The following STXBP6 variants were observed in gnomAD, a reference collection of about 807,000 sequenced individuals.
STXBP6 encodes syntaxin-binding protein 6.
Under a neutral mutation model 26.9 loss-of-function variants are expected in STXBP6, and 21 were observed. The ratio of observed to expected loss-of-function variants is 0.78; its 90% CI spans 0.55 to 1.12. STXBP6 has a LOEUF of 1.12. STXBP6 is among the 50% of genes most tolerant of loss of function. The pLI is 0.00. For missense variants in STXBP6, 232 were observed against 257.9 expected, an observed-to-expected ratio of 0.90 and a Z score of 0.69; for synonymous variants, 97 against 92.6, an observed-to-expected ratio of 1.05 and a Z score of -0.27.
At position 24,828,878 on chromosome 14, in the gene STXBP6, G is replaced by T. The variant is rs1450477518; in HGVS notation, c.452-9684C>A. On this transcript the variant is annotated intron_variant, in intron 4 of 5. Transcript: ENST00000323944. The stretch of plus-strand genomic sequence containing the variant: ...TGACATAGAGAATTATGTAATGCTG[G>T]CCAAGCAATGTAAAGGATGCACCAT... 5.3e-5 allele frequency among the ~76,000 whole-genome samples: 8 copies of T among 152,148 alleles called. No homozygotes were observed. In the East Asian group the frequency reaches 1.5e-3, roughly 29 times the overall value.
At chr14:24,892,238 G>GA (rs1178442758) in intron 2 of STXBP6, among the ~76,000 whole-genome samples, 1 of 151,040 alleles carries the variant, frequency 6.6e-6, no homozygotes, top group Non-Finnish European at 1.5e-5. Flanking sequence ...TCAGTAGAGA[G>GA]AAAAAAAGTG....
chr14:24,907,708 T>A (rs2139690062), intron 2 of STXBP6, among the ~76,000 whole-genome samples: 1 of 152,282 alleles, frequency 6.6e-6, no homozygotes, highest in African/African-American at 2.4e-5. Context: ...GAATTCTACT[T>A]GTATTTGAAG....
intron 2 of STXBP6, among the ~76,000 whole-genome samples, chr14:24,905,530 A>G (rs17185369): frequency 0.13 from 20,136 of 152,080 alleles, 1,384 homozygotes; most frequent in East Asian, 0.16. Flanking sequence ...AAACCTTGGG[A>G]ATCTATAGGA....
At chr14:24,844,584 TG>T (rs1235433819) in intron 4 of STXBP6, among the ~76,000 whole-genome samples, 1 of 152,168 alleles carries the variant, frequency 6.6e-6, no homozygotes, top group Non-Finnish European at 1.5e-5. Flanking sequence ...GAGAGTTACT[TG>T]GTGTGGAAAA....
chr14:24,819,314 C>G (rs1271701144), intron 4 of STXBP6, 120 bp from the exon 5 acceptor site: 1 of 1,138,886 alleles, frequency 8.8e-7, no homozygotes, highest in African/African-American at 1.5e-5. Flanking sequence ...GGCCGCTCGT[C>G]TAGTGTCTAG....
chr14:24,962,596 G>A (rs1595199397), intron 2 of STXBP6, among the ~76,000 whole-genome samples: 2 of 151,998 alleles, frequency 1.3e-5, no homozygotes, highest in African/African-American at 4.8e-5. Flanking sequence ...CCAAAGTGCT[G>A]GGATTACATG....
intron 2 of STXBP6, among the ~76,000 whole-genome samples, chr14:24,926,363 C>T (rs570220480): frequency 2.0e-5 from 3 of 152,054 alleles, no homozygotes; most frequent in African/African-American, 4.8e-5. Context: ...TCTTTGGGCT[C>T]GCCATGTTGC....
intron 1 of STXBP6, among the ~76,000 whole-genome samples, chr14:25,014,443 C>T (rs146883457): frequency 6.6e-6 from 1 of 152,058 alleles, no homozygotes; most frequent in Admixed American, 6.5e-5. Context: ...CCAGCCTGGG[C>T]GACAGAGGGA....
intron 1 of STXBP6, among the ~76,000 whole-genome samples, chr14:25,014,967 C>CT (rs2075115069): frequency 6.6e-6 from 1 of 152,124 alleles, no homozygotes; most frequent in Non-Finnish European, 1.5e-5. Context: ...AATACCATAA[C>CT]TTTTTTACTT....
chr14:24,992,334 C>A (rs185246074), intron 1 of STXBP6, among the ~76,000 whole-genome samples: 76 of 152,172 alleles, frequency 5.0e-4, no homozygotes, highest in Non-Finnish European at 9.7e-4. Context: ...ACAAACAAGA[C>A]CATGACCAAT....
chr14:24,812,986 G>A (rs2067866117), intron 5 of STXBP6, among the ~76,000 whole-genome samples: 1 of 143,820 alleles, frequency 7.0e-6, no homozygotes. Flanking sequence ...GCGGGAGGGA[G>A]TGCCTGTGTG....
intron 4 of STXBP6, among the ~76,000 whole-genome samples, chr14:24,851,077 T>C (rs2069133453): frequency 6.6e-6 from 1 of 152,080 alleles, no homozygotes; most frequent in Non-Finnish European, 1.5e-5. Context: ...CATTATAAAT[T>C]GGTCAACACA....
At chr14:24,826,419 T>G (rs895500759) in intron 4 of STXBP6, among the ~76,000 whole-genome samples, 1 of 152,192 alleles carries the variant, frequency 6.6e-6, no homozygotes, top group African/African-American at 2.4e-5. Flanking sequence ...GATTGTTACC[T>G]GGCACTGGAG....
chr14:24,823,808 T>C (rs2068207879), intron 4 of STXBP6, among the ~76,000 whole-genome samples: 1 of 152,136 alleles, frequency 6.6e-6, no homozygotes, highest in Non-Finnish European at 1.5e-5. Flanking sequence ...TTTGGGAAAA[T>C]ATAAATGTGT....
intron 1 of STXBP6, among the ~76,000 whole-genome samples, chr14:24,976,846 G>C (rs553472642): frequency 9.1e-6 from 1 of 109,426 alleles, no homozygotes; most frequent in African/African-American, 4.7e-5. Flanking sequence ...GAGCTGACTG[G>C]GCGCTCTTTT....
chr14:24,998,722 G>A (rs984650702), intron 1 of STXBP6, among the ~76,000 whole-genome samples: 9 of 152,158 alleles, frequency 5.9e-5, no homozygotes, highest in African/African-American at 1.9e-4. Context: ...GTGTTACTAC[G>A]ATCCAGGCCC....
At chr14:24,885,136 G>A (rs2070528644) in intron 2 of STXBP6, among the ~76,000 whole-genome samples, 1 of 151,982 alleles carries the variant, frequency 6.6e-6, no homozygotes, top group African/African-American at 2.4e-5. Flanking sequence ...AAACTTAGTG[G>A]GGTATATCTG....
At chr14:24,891,440 T>C (rs1246133618) in intron 2 of STXBP6, among the ~76,000 whole-genome samples, 1 of 152,146 alleles carries the variant, frequency 6.6e-6, no homozygotes, top group Non-Finnish European at 1.5e-5. Flanking sequence ...TATTAAGACA[T>C]TAGTAAATAC....
At chr14:24,920,258 A>G (rs553050164) in intron 2 of STXBP6, among the ~76,000 whole-genome samples, 3 of 152,240 alleles carry the variant, frequency 2.0e-5, no homozygotes, top group South Asian at 2.1e-4. Context: ...TTGTGTTTGT[A>G]TACTAGATTT....
Sources: allele counts gnomAD v4.1 joint callset (sites outside exome capture counted in the v4.1 genomes callset), GRCh38; gene constraint gnomAD v4.1.1; transcripts MANE v1.5; gene names NCBI Gene and HGNC (gene_info 2026-07-23, HGNC 2026-07-21).